The following C8orf34 variants were observed in gnomAD, a reference collection of about 807,000 sequenced individuals.
C8orf34 encodes uncharacterized protein C8orf34.
A neutral mutation model predicts 68.3 loss-of-function variants in C8orf34; 65 were observed. That is an observed-to-expected ratio of 0.95 (90% CI 0.78 to 1.17). C8orf34 has a LOEUF of 1.17. C8orf34 is among the 50% of genes most tolerant of loss of function. The pLI is 0.00. For synonymous variants in C8orf34, 244 were observed against 241.2 expected (o/e 1.01, Z -0.11); for missense variants, 664 against 655.4 (o/e 1.01, Z -0.14).
chr8:68,368,985 A>G (rs893782013), intron 1 of C8orf34, among the ~76,000 whole-genome samples: 52 of 152,326 alleles, frequency 3.4e-4, no homozygotes, highest in African/African-American at 1.2e-3. Flanking sequence ...GTTGAGCATT[A>G]TCTTCACCTT....
chr8:68,794,213 C>A (rs915844584), intron 12 of C8orf34, among the ~76,000 whole-genome samples: 2 of 151,320 alleles, frequency 1.3e-5, no homozygotes, highest in Non-Finnish European at 1.5e-5. Flanking sequence ...ACTCTGTCAC[C>A]CAGACTGGAG....
At chr8:68,486,781 C>T (rs1813096903) in intron 4 of C8orf34, among the ~76,000 whole-genome samples, 1 of 152,212 alleles carries the variant, frequency 6.6e-6, no homozygotes, top group South Asian at 2.1e-4. Flanking sequence ...CAGGTTCTTT[C>T]TTCCAACCCA....
chr8:68,584,618 A>C (rs1057471369), intron 7 of C8orf34, among the ~76,000 whole-genome samples: 31 of 152,170 alleles, frequency 2.0e-4, no homozygotes, highest in Non-Finnish European at 1.8e-4. Context: ...CATAGCCAGG[A>C]TCAAGGGAAA....
Position 68,533,329 on chromosome 8 carries a change from C to A in C8orf34, c.1105+180C>A, listed in dbSNP as rs1484783636. 4 of 1,355,320 alleles carry A rather than the reference C, an allele frequency of 3.0e-6. No homozygotes were observed. In the East Asian group the frequency reaches 1.1e-4, roughly 37 times the overall value. The allele number at this position is 1,355,320 out of a possible 1,614,324, so 84.0% of individuals were successfully genotyped here. A position where few individuals can be genotyped will look rare whatever the true frequency, so the allele number is the denominator to read the frequency against. On this transcript the variant is annotated intron_variant, in intron 7 of 13. Coordinates refer to ENST00000518698, the MANE Select transcript of C8orf34 (RefSeq NM_052958.4). ...TGCATGTAAGAACTAAATTGAAATA[C>A]CCTAAGCATATGAATATTTATTAGA...
At chr8:68,468,956 A>G in intron 4 of C8orf34, 136 bp downstream of exon 4, 3 of 919,882 alleles carry the variant, frequency 3.3e-6, no homozygotes, top group Non-Finnish European at 4.8e-6. Flanking sequence ...TAAGGGCATG[A>G]GATTGGAAAG....
chr8:68,404,216 T>A (rs1347025415), intron 1 of C8orf34, among the ~76,000 whole-genome samples: 2 of 152,198 alleles, frequency 1.3e-5, no homozygotes, highest in Non-Finnish European at 2.9e-5. Context: ...CACTTTTTGA[T>A]AGGGTCGTTT....
Position 68,557,351 on chromosome 8 carries a change from C to G in C8orf34, c.1105+24202C>G, listed in dbSNP as rs572477146. Among the ~76,000 whole-genome samples the G allele has an allele frequency of 6.6e-5, 10 of 152,236 alleles. No homozygotes were observed. In the South Asian group the frequency reaches 1.7e-3, roughly 25 times the overall value. ...TCTAATTAGCTAATCCTTTGGAAAA[C>G]TGATCCTAAACTTGAGCCCCAAAAG... On this transcript the variant is annotated intron_variant, in intron 7 of 13. Coordinates refer to ENST00000518698, the MANE Select transcript of C8orf34 (RefSeq NM_052958.4).
chr8:68,421,754 G>T (rs561966757), intron 1 of C8orf34, among the ~76,000 whole-genome samples: 128 of 152,158 alleles, frequency 8.4e-4, no homozygotes, highest in Non-Finnish European at 1.4e-3. Context: ...CTGTTGTATT[G>T]GTCTGTTCTC....
chr8:68,808,924 T>G (rs1001708338), intron 12 of C8orf34, among the ~76,000 whole-genome samples: 29 of 140,988 alleles, frequency 2.1e-4, no homozygotes, highest in Non-Finnish European at 3.9e-4. Flanking sequence ...TGCCAGCCAC[T>G]TAAGTGTTCA....
At chr8:68,743,362 C>G (rs1032112616) in intron 10 of C8orf34, among the ~76,000 whole-genome samples, 14 of 152,118 alleles carry the variant, frequency 9.2e-5, no homozygotes, top group African/African-American at 3.4e-4. Flanking sequence ...AAGGGAGGAG[C>G]CAAGATGGCC....
chr8:68,457,506 G>A lies in C8orf34; in HGVS notation c.607+11046G>A, dbSNP rs143367398. Among the ~76,000 whole-genome samples, 327 of 152,204 alleles carry A rather than the reference G, an allele frequency of 2.1e-3. 1 individual carries two copies. Among genetic ancestry groups the A allele is most frequent in the African/African-American group, 7.1e-3 (294 of 41,552 alleles). ...GGGTTGAAAGTTATTTTGGTTCAAA[G>A]GAAATATATAGGCAGTATCTCAAAT... On this transcript the variant is annotated intron_variant, in intron 3 of 13. Coordinates refer to ENST00000518698, the MANE Select transcript of C8orf34 (RefSeq NM_052958.4).
intron 1 of C8orf34, chr8:68,438,330 G>A (rs1017181913): frequency 5.9e-5 from 9 of 152,104 alleles, no homozygotes; most frequent in African/African-American, 2.2e-4. Context: ...AAGATAAAAT[G>A]ATAAAATAAT....
intron 1 of C8orf34, among the ~76,000 whole-genome samples, chr8:68,410,919 G>A (rs1034012857): frequency 6.6e-6 from 1 of 152,118 alleles, no homozygotes; most frequent in African/African-American, 2.4e-5. Context: ...GCTTCCCCTT[G>A]GTTCTGCTCC....
chr8:68,629,153 G>A (rs1818619042), intron 7 of C8orf34, among the ~76,000 whole-genome samples: 2 of 152,086 alleles, frequency 1.3e-5, no homozygotes, highest in South Asian at 4.1e-4. Flanking sequence ...TAACTACTGG[G>A]ATGATAATTA....
intron 1 of C8orf34, among the ~76,000 whole-genome samples, chr8:68,432,657 T>A (rs572248091): frequency 4.6e-5 from 7 of 152,234 alleles, no homozygotes; most frequent in African/African-American, 1.7e-4. Context: ...TGACTGGGAA[T>A]AAGATAAGTA....
At chr8:68,525,706 C>A in intron 6 of C8orf34, 1 of 654,458 alleles carries the variant, frequency 1.5e-6, no homozygotes, top group Non-Finnish European at 2.9e-6. Flanking sequence ...ATTTGTTTAG[C>A]CTGCCTGTGA....
intron 1 of C8orf34, among the ~76,000 whole-genome samples, chr8:68,435,327 A>G (rs1212843081): frequency 6.6e-6 from 1 of 152,110 alleles, no homozygotes; most frequent in African/African-American, 2.4e-5. Context: ...GCTGTGCTAA[A>G]TAGGGTTTAT....
At chr8:68,383,391 G>C (rs1035371859) in intron 1 of C8orf34, among the ~76,000 whole-genome samples, 32 of 152,168 alleles carry the variant, frequency 2.1e-4, no homozygotes, top group Admixed American at 2.1e-3. Context: ...GGTAATGTAT[G>C]AGCTGTTCCA....
At chr8:68,390,488 G>A (rs1808436330) in intron 1 of C8orf34, among the ~76,000 whole-genome samples, 1 of 152,114 alleles carries the variant, frequency 6.6e-6, no homozygotes, top group African/African-American at 2.4e-5. Flanking sequence ...TACATATCAG[G>A]ACAGACTATG....
Sources: allele counts gnomAD v4.1 joint callset (sites outside exome capture counted in the v4.1 genomes callset), GRCh38; gene constraint gnomAD v4.1.1; transcripts MANE v1.5; gene names NCBI Gene and HGNC (gene_info 2026-07-23, HGNC 2026-07-21).